ARHGEF18: variants seen among roughly 807,000 people sequenced by gnomAD.
ARHGEF18 encodes rho guanine nucleotide exchange factor 18.
ARHGEF18 carries 93 observed loss-of-function variants against 155.7 expected under a neutral mutation model. The observed-to-expected ratio is 0.60, with a 90% CI of 0.50 to 0.71. The LOEUF (loss-of-function observed/expected upper bound fraction) is 0.71, where lower values mean the gene tolerates loss of function less well. ARHGEF18 is among the 30% of genes least tolerant of loss of function. ARHGEF18 has a pLI of 0.00. For missense variants in ARHGEF18, 1,593 were observed against 1,816.1 expected (o/e 0.88, Z 2.23); for synonymous variants, 742 against 753.1 (o/e 0.99, Z 0.24).
intron 1 of ARHGEF18, among the ~76,000 whole-genome samples, chr19:7,351,007 T>C (rs8102598): frequency 0.013 from 2,030 of 152,230 alleles, 51 homozygotes; most frequent in African/African-American, 0.046. Context: ...TTTCACCATA[T>C]TGGTTAGGCT....
downstream of ARHGEF18, chr19:7,476,968 A>T: frequency 4.8e-6 from 2 of 412,926 alleles, no homozygotes; most frequent in Non-Finnish European, 4.3e-6. Context: ...ACAAGACGCC[A>T]GCTGGCAGGC....
At chr19:7,409,490 C>T (rs1302348243) in intron 10 of ARHGEF18, among the ~76,000 whole-genome samples, 1 of 144,240 alleles carries the variant, frequency 6.9e-6, no homozygotes, top group Non-Finnish European at 1.5e-5. Flanking sequence ...TGCAGTGGTA[C>T]AATCTCGGCT....
intron 17 of ARHGEF18, among the ~76,000 whole-genome samples, chr19:7,454,273 G>A (rs1005745557): frequency 6.6e-6 from 1 of 152,014 alleles, no homozygotes; most frequent in African/African-American, 2.4e-5. Context: ...TTGGATTGGT[G>A]GCACAGTCTT....
chr19:7,372,910 T>C lies in ARHGEF18; in HGVS notation c.114T>C (p.Leu38=). The part of the protein sequence containing the change: ...QGSEYLQDLG[L]GAPSHSQPGE... ...GCGAGTATCTGCAGGACCTGGGCCT[T>C]GGGGCCCCTTCCCACAGCCAGCCTG... is the stretch of plus-strand genomic sequence containing the variant. Residue 38 remains leucine (L), a synonymous_variant, in exon 3 of 29, where the codon CTT becomes CTC. Transcript: ENST00000668164. The C allele has an allele frequency of 3.2e-6, 4 of 1,234,480 alleles. No homozygotes were observed. Among genetic ancestry groups the C allele is most frequent in the Non-Finnish European group, 4.0e-6 (4 of 988,254 alleles). The allele number at this position is 1,234,480 out of a possible 1,614,324, so 76.5% of individuals were successfully genotyped here. A position where few individuals can be genotyped will look rare whatever the true frequency, so the allele number is the denominator to read the frequency against.
chr19:7,364,533 C>T (rs1969802651), intron 2 of ARHGEF18, among the ~76,000 whole-genome samples: 1 of 152,154 alleles, frequency 6.6e-6, no homozygotes, highest in South Asian at 2.1e-4. Flanking sequence ...GCTCTCATCA[C>T]ACTTTCTCTA....
chr19:7,379,161 C>T lies in ARHGEF18; in HGVS notation c.639C>T (p.Tyr213=). Reference sequence around the variant, plus strand: ...AGGTGCTTCAAGAACTTCGACAGTACCATGGGTAAGTGGGAATCGGGACAG... The same window carrying T: ...AGGTGCTTCAAGAACTTCGACAGTATCATGGGTAAGTGGGAATCGGGACAG... ...VQQVLQELRQ[Y]HGARQRACMS... is the part of the protein sequence containing the mutation. The change falls in exon 7 of 29, where the codon TAC becomes TAT. Residue 213 remains tyrosine (Y), a synonymous_variant. Transcript: ENST00000668164. 1 of 1,232,656 alleles carries T rather than the reference C, an allele frequency of 8.1e-7. No individual in the cohort carries two copies. The highest frequency in any genetic ancestry group is 1.0e-6 in the Non-Finnish European group (1 of 988,440). The allele number at this position is 1,232,656 out of a possible 1,614,324, so 76.4% of individuals were successfully genotyped here.
the ARHGEF18 span, chr19:7,478,513 G>T: frequency 1.2e-6 from 1 of 865,394 alleles, no homozygotes; most frequent in Non-Finnish European, 1.8e-6. Context: ...TGCCCCCACA[G>T]TCCCACACCC....
rs72990744 is a variant in ARHGEF18, at chr19:7,362,771, T to G, written c.-110-10T>G. ...TTATCCCTGACACCTTGTCCCTCCT[T>G]TCTCCACAGGCTCTGAGCCCAAGTC... On this transcript the variant is annotated splice_polypyrimidine_tract_variant and intron_variant, in intron 1 of 28. Coordinates refer to ENST00000668164, the MANE Select transcript of ARHGEF18 (RefSeq NM_001367823.1). 315,974 of 1,232,964 alleles carry G rather than the reference T, an allele frequency of 0.26. 41,231 individuals carry two copies. The highest frequency in any genetic ancestry group is 0.26 in the Non-Finnish European group (259,259 of 987,444). 76.4% of individuals were successfully genotyped at this position (1,232,964 alleles called of 1,614,324 possible).
At chr19:7,394,836 C>T (rs550694607) in intron 10 of ARHGEF18, among the ~76,000 whole-genome samples, 2 of 152,004 alleles carry the variant, frequency 1.3e-5, no homozygotes, top group South Asian at 4.2e-4. Flanking sequence ...CCCTCAGAGC[C>T]CCCGGCCCTA....
intron 16 of ARHGEF18, 37 bp downstream of exon 16, chr19:7,451,303 G>T (rs753449853): frequency 1.3e-6 from 2 of 1,586,594 alleles, no homozygotes; most frequent in East Asian, 2.2e-5. Context: ...CGCCCGTGCT[G>T]CTGCAGCACA....
At chr19:7,465,814 G>A (rs916447579) in intron 23 of ARHGEF18, among the ~76,000 whole-genome samples, 8 of 152,268 alleles carry the variant, frequency 5.3e-5, no homozygotes, top group East Asian at 1.9e-4. Flanking sequence ...GGCTGGGTGC[G>A]GTGGCTCATG....
Position 7,382,825 on chromosome 19 carries a change from T to C in ARHGEF18, c.756T>C (p.Ser252=). ...SEDGAGKNEK[S]DKSTSVKRRL... is the part of the protein sequence containing the mutation. ...ACGGTGCTGGCAAGAACGAGAAGAGTGACAAGAGTACCAGTGTGAAGCGCA... is the reference window on the plus strand; with the variant it reads ...ACGGTGCTGGCAAGAACGAGAAGAGCGACAAGAGTACCAGTGTGAAGCGCA... Residue 252 remains serine (S), a synonymous_variant, in exon 9 of 29, where the codon AGT becomes AGC. Coordinates refer to ENST00000668164, the MANE Select transcript of ARHGEF18 (RefSeq NM_001367823.1). The C allele has an allele frequency of 1.6e-6, 2 of 1,231,846 alleles. No individual in the cohort carries two copies. The highest frequency in any genetic ancestry group is 2.0e-6 in the Non-Finnish European group (2 of 987,944). 76.3% of individuals were successfully genotyped at this position (1,231,846 alleles called of 1,614,324 possible). A position where few individuals can be genotyped will look rare whatever the true frequency, so the allele number is the denominator to read the frequency against.
At chr19:7,407,774 A>G (rs1410689911) in intron 10 of ARHGEF18, among the ~76,000 whole-genome samples, 1 of 151,958 alleles carries the variant, frequency 6.6e-6, no homozygotes, top group African/African-American at 2.4e-5. Flanking sequence ...CATCTTGACT[A>G]AAACGGTGAA....
At chr19:7,370,009 C>T (rs749331245) in intron 2 of ARHGEF18, among the ~76,000 whole-genome samples, 3 of 151,822 alleles carry the variant, frequency 2.0e-5, no homozygotes, top group Non-Finnish European at 4.4e-5. Context: ...CCAGCCTCGG[C>T]AACATGATGA....
intron 10 of ARHGEF18, among the ~76,000 whole-genome samples, chr19:7,405,552 G>A (rs780859619): frequency 2.4e-4 from 37 of 152,216 alleles, no homozygotes; most frequent in Non-Finnish European, 5.9e-5. Flanking sequence ...GTGGGACACT[G>A]TTCAGCCCAC....
At chr19:7,358,224 TCCATCCATCCATCCATCCAC>T (rs1969397040) in intron 1 of ARHGEF18, among the ~76,000 whole-genome samples, 1 of 125,654 alleles carries the variant, frequency 8.0e-6, no homozygotes, top group Admixed American at 7.3e-5. Context: ...CTTCCATCCA[TCCATCCATCCATCCATCCAC>T]CCATCCACCC....
At chr19:7,357,409 G>T (rs1278234372) in intron 1 of ARHGEF18, among the ~76,000 whole-genome samples, 1 of 152,188 alleles carries the variant, frequency 6.6e-6, no homozygotes, top group Non-Finnish European at 1.5e-5. Context: ...CTAGCAGGTG[G>T]GGGAGTGAGC....
intron 10 of ARHGEF18, among the ~76,000 whole-genome samples, chr19:7,421,464 G>T (rs1192629270): frequency 1.3e-5 from 2 of 152,044 alleles, no homozygotes; most frequent in Admixed American, 6.6e-5. Context: ...CTCCCAAATA[G>T]ATATCCCCAG....
At chr19:7,424,268 C>T (rs569391202) in intron 10 of ARHGEF18, among the ~76,000 whole-genome samples, 18 of 152,172 alleles carry the variant, frequency 1.2e-4, no homozygotes, top group African/African-American at 3.9e-4. Flanking sequence ...TCAGGTGATC[C>T]GCCTGTCTCA....
Sources: gnomAD v4.1 joint callset for allele counts (sites outside exome capture counted in the v4.1 genomes callset) on GRCh38, gnomAD v4.1.1 for gene constraint, MANE v1.5 for transcripts, NCBI Gene and HGNC (gene_info 2026-07-23, HGNC 2026-07-21) for gene names.